Variants in RARB observed in about 807,000 individuals in gnomAD.
The protein encoded by RARB is HBV-activated protein.
RARB carries 17 observed loss-of-function variants against 51.9 expected under a neutral mutation model. That is an observed-to-expected ratio of 0.33 (90% CI 0.22 to 0.49). RARB has a LOEUF of 0.49. Among genes scored for constraint, RARB ranks in the 20% least tolerant of loss-of-function variants. The pLI, the probability that RARB is intolerant of heterozygous loss-of-function variation, is 0.99. For synonymous variants in RARB, 215 were observed against 195.4 expected, an observed-to-expected ratio of 1.10 and a Z score of -0.84; for missense variants, 369 against 550.8, an observed-to-expected ratio of 0.67 and a Z score of 3.30.
chr3:25,169,432 G>C (rs777072255), intron 4 of RARB, among the ~76,000 whole-genome samples: 8 of 152,092 alleles, frequency 5.3e-5, no homozygotes, highest in Non-Finnish European at 1.0e-4. Flanking sequence ...ATTATTCACG[G>C]ATATAAAGAA....
At chr3:25,366,554 A>G (rs994360508) in intron 5 of RARB, among the ~76,000 whole-genome samples, 1 of 152,214 alleles carries the variant, frequency 6.6e-6, no homozygotes, top group Non-Finnish European at 1.5e-5. Flanking sequence ...GAACTTTGAA[A>G]ATGAGAGTTG....
intron 2 of RARB, among the ~76,000 whole-genome samples, chr3:24,903,656 C>G (rs1694774880): frequency 6.6e-6 from 1 of 152,088 alleles, no homozygotes; most frequent in Non-Finnish European, 1.5e-5. Context: ...TTGTCCAATA[C>G]CCAGCATGGT....
Position 25,211,824 on chromosome 3 carries a change from G to A in RARB, c.178+37249G>A, listed in dbSNP as rs545402917. ...TAAAATAGGTGATGGGCCAGATTTT[G>A]TCCATGATCCATAATTTGCAGACTC... On this transcript the variant is annotated intron_variant, in intron 5 of 11. Transcript: ENST00000383772. Among the ~76,000 whole-genome samples, 198 of 152,272 alleles carry A rather than the reference G, an allele frequency of 1.3e-3. 1 individual carries two copies. Among genetic ancestry groups the A allele is most frequent in the South Asian group, 7.9e-3 (38 of 4,824 alleles).
intron 5 of RARB, among the ~76,000 whole-genome samples, chr3:25,590,011 G>T (rs1701551740): frequency 6.6e-6 from 1 of 152,242 alleles, no homozygotes; most frequent in Non-Finnish European, 1.5e-5. Flanking sequence ...AAGGATGCCT[G>T]TTTCACATGG....
chr3:25,050,034 G>A lies in RARB; in HGVS notation c.-379-10091G>A, dbSNP rs116051377. On this transcript the variant is annotated intron_variant, in intron 2 of 11. Coordinates refer to the RARB transcript ENST00000383772. Reference sequence around the variant, plus strand: ...AGGAAAAGTTTAATAGAAGGAAAGGGTATTTAATCCGGATTTTAAAGGCTG... The same window carrying A: ...AGGAAAAGTTTAATAGAAGGAAAGGATATTTAATCCGGATTTTAAAGGCTG... Among the ~76,000 whole-genome samples the A allele has an allele frequency of 3.0e-3, 454 of 152,242 alleles. 1 individual carries two copies. Among genetic ancestry groups the A allele is most frequent in the African/African-American group, 0.01 (430 of 41,532 alleles).
At chr3:24,919,399 T>A (rs36025902) in intron 2 of RARB, among the ~76,000 whole-genome samples, 32,517 of 152,194 alleles carry the variant, frequency 0.21, 4,402 homozygotes, top group East Asian at 0.33. Context: ...GACTGTAACC[T>A]ACTCTTGTGC....
At chr3:25,170,448 G>T (rs145438062) in intron 4 of RARB, among the ~76,000 whole-genome samples, 1 of 152,142 alleles carries the variant, frequency 6.6e-6, no homozygotes, top group African/African-American at 2.4e-5. Flanking sequence ...AGGTCTCTCC[G>T]GTGGGGCCTG....
chr3:25,536,522 G>T (rs777633605), intron 3 of RARB, among the ~76,000 whole-genome samples: 11 of 152,158 alleles, frequency 7.2e-5, no homozygotes, highest in Non-Finnish European at 1.5e-4. Flanking sequence ...TTGAAGGAGG[G>T]TAAAATGTTT....
chr3:25,418,858 G>A (rs1324304823), intron 5 of RARB, among the ~76,000 whole-genome samples: 1 of 151,230 alleles, frequency 6.6e-6, no homozygotes, highest in Non-Finnish European at 1.5e-5. Context: ...AACAGGGGTG[G>A]TCAGTTACTA....
intron 3 of RARB, among the ~76,000 whole-genome samples, chr3:25,527,780 A>G (rs149643238): frequency 4.7e-4 from 71 of 152,336 alleles, no homozygotes; most frequent in African/African-American, 1.7e-3. Context: ...CTAAAACTGT[A>G]AAACTAACTG....
intron 5 of RARB, among the ~76,000 whole-genome samples, chr3:25,210,709 A>T (rs1456244644): frequency 1.3e-5 from 2 of 150,892 alleles, no homozygotes; most frequent in African/African-American, 2.4e-5. Context: ...TAAGTTTTAC[A>T]TTTTTATTGG....
intron 5 of RARB, among the ~76,000 whole-genome samples, chr3:25,420,698 A>C (rs1206087924): frequency 6.6e-6 from 1 of 152,170 alleles, no homozygotes. Context: ...TCATGGGTAG[A>C]TGATGGATCA....
At chr3:24,934,393 A>AC (rs1695505730) in intron 2 of RARB, among the ~76,000 whole-genome samples, 1 of 152,032 alleles carries the variant, frequency 6.6e-6, no homozygotes, top group Non-Finnish European at 1.5e-5. Flanking sequence ...TTTTTCATGT[A>AC]CTGTTCAGAT....
At chr3:25,130,576 G>A (rs1699930040) in intron 3 of RARB, among the ~76,000 whole-genome samples, 1 of 151,358 alleles carries the variant, frequency 6.6e-6, no homozygotes. Context: ...TCTCACTCTT[G>A]CAGCCCTGGA....
intron 5 of RARB, among the ~76,000 whole-genome samples, chr3:25,204,677 T>C (rs1316525030): frequency 6.6e-6 from 1 of 152,204 alleles, no homozygotes; most frequent in Non-Finnish European, 1.5e-5. Context: ...TGTTGGAGTT[T>C]GCTGGAGGTT....
intron 5 of RARB, among the ~76,000 whole-genome samples, chr3:25,398,595 A>T (rs1308049390): frequency 1.3e-5 from 2 of 152,176 alleles, no homozygotes; most frequent in Admixed American, 1.3e-4. Flanking sequence ...TGATAATTCC[A>T]AGCCCTCTTT....
chr3:25,119,089 T>G (rs1388726182), intron 3 of RARB, among the ~76,000 whole-genome samples: 1 of 152,190 alleles, frequency 6.6e-6, no homozygotes, highest in Non-Finnish European at 1.5e-5. Context: ...CAGTAAATCT[T>G]TATTATTTTT....
intron 5 of RARB, among the ~76,000 whole-genome samples, chr3:25,298,524 T>G (rs1447877316): frequency 6.6e-6 from 1 of 152,144 alleles, no homozygotes; most frequent in African/African-American, 2.4e-5. Flanking sequence ...AACAATTCTT[T>G]GTGTGTCTGT....
intron 2 of RARB, among the ~76,000 whole-genome samples, chr3:25,490,419 A>C (rs1210440218): frequency 6.6e-6 from 1 of 152,244 alleles, no homozygotes; most frequent in African/African-American, 2.4e-5. Context: ...CTTGCCGTCA[A>C]CCAGCATGTT....
Sources: gnomAD v4.1 joint callset for allele counts (sites outside exome capture counted in the v4.1 genomes callset) on GRCh38, gnomAD v4.1.1 for gene constraint, MANE v1.5 for transcripts, NCBI Gene and HGNC (gene_info 2026-07-23, HGNC 2026-07-21) for gene names.